ZFP82: variants seen among roughly 807,000 people sequenced by gnomAD.
The protein encoded by ZFP82 is ZFP82 zinc finger protein, also known as zinc finger protein 82 homolog.
A neutral mutation model predicts 54.0 loss-of-function variants in ZFP82; 30 were observed. That is an observed-to-expected ratio of 0.56 (90% CI 0.42 to 0.75). The LOEUF (loss-of-function observed/expected upper bound fraction) is 0.75, where lower values mean the gene tolerates loss of function less well. Among genes scored for constraint, ZFP82 ranks in the 30% least tolerant of loss-of-function variants. The pLI, the probability that ZFP82 is intolerant of heterozygous loss-of-function variation, is 0.00. For missense variants in ZFP82, 500 were observed against 636.8 expected (o/e 0.79, Z 2.31); for synonymous variants, 194 against 209.5 (o/e 0.93, Z 0.64).
At chr19:36,404,994 G>C (rs1182482330) in intron 4 of ZFP82, among the ~76,000 whole-genome samples, 1 of 152,034 alleles carries the variant, frequency 6.6e-6, no homozygotes, top group Non-Finnish European at 1.5e-5. Flanking sequence ...GACCAGCCTG[G>C]CCAACATGGT....
intron 4 of ZFP82, among the ~76,000 whole-genome samples, chr19:36,397,420 A>C (rs1209441905): frequency 6.6e-6 from 1 of 151,934 alleles, no homozygotes; most frequent in African/African-American, 2.4e-5. Context: ...AATCAACAAA[A>C]TGTAAGCCAT....
intron 1 of ZFP82, among the ~76,000 whole-genome samples, chr19:36,416,337 A>G (rs115298116): frequency 0.017 from 2,639 of 152,340 alleles, 44 homozygotes; most frequent in African/African-American, 0.058. Context: ...ATCTCATTAA[A>G]TTACATATTT....
chr19:36,404,557 G>A lies in ZFP82; in HGVS notation c.229+1023C>T, dbSNP rs185405501. Among the ~76,000 whole-genome samples the A allele has an allele frequency of 2.0e-3, 310 of 152,246 alleles. 3 individuals are homozygous for A. Among genetic ancestry groups the A allele is most frequent in the African/African-American group, 6.7e-3 (277 of 41,540 alleles). On this transcript the variant is annotated intron_variant, in intron 4 of 4. Transcript: ENST00000392161. Reference sequence around the variant, plus strand: ...TGTGTCCTACATTTACCCTTTTAATGCATAGGTCCTAGTTATAATGCATTT... The same window carrying A: ...TGTGTCCTACATTTACCCTTTTAATACATAGGTCCTAGTTATAATGCATTT...
chr19:36,406,533 A>C (rs973923012), intron 3 of ZFP82, among the ~76,000 whole-genome samples: 1 of 152,220 alleles, frequency 6.6e-6, no homozygotes, highest in Non-Finnish European at 1.5e-5. Context: ...TCCACTTAGC[A>C]TAGTGTTTTT....
intron 2 of ZFP82, 136 bp downstream of exon 2, chr19:36,409,645 G>A: frequency 1.2e-6 from 1 of 858,772 alleles, no homozygotes; most frequent in Non-Finnish European, 1.9e-6. Flanking sequence ...AAGCATTGTG[G>A]TTCACCCGCC....
chr19:36,414,009 G>T (rs1444039150), intron 1 of ZFP82, among the ~76,000 whole-genome samples: 1 of 149,664 alleles, frequency 6.7e-6, no homozygotes, highest in Non-Finnish European at 1.5e-5. Context: ...CAGGCCAATC[G>T]TCTGCCTCAG....
chr19:36,384,449 A>T (rs541455442), downstream of ZFP82: 4 of 152,330 alleles, frequency 2.6e-5, no homozygotes, highest in South Asian at 8.3e-4. Flanking sequence ...CCAAAGTAGA[A>T]TCACATCTGC....
chr19:36,410,765 T>G (rs1177061955), intron 1 of ZFP82, among the ~76,000 whole-genome samples: 1 of 151,634 alleles, frequency 6.6e-6, no homozygotes, highest in Non-Finnish European at 1.5e-5. Flanking sequence ...CATCCCAAAG[T>G]GCTGAGATTA....
At position 36,383,411 on chromosome 19, in the gene ZFP82, T is replaced by C. The variant is rs575799455; in HGVS notation, c.*921A>G. On this transcript the variant is annotated 3_prime_UTR_variant, in exon 2 of 2. Transcript: ENST00000445543. ...GACTATATTTAGCAGATATTTCTAA[T>C]AAAAAAAAAAGTTAAACAAGAACTG... 3.4e-5 allele frequency: 5 copies of C among 148,034 alleles called. No homozygotes were observed. In the East Asian group the frequency reaches 9.8e-4, roughly 29 times the overall value. The allele number at this position is 148,034 out of a possible 1,614,324, so 9.2% of individuals were successfully genotyped here. A position where few individuals can be genotyped will look rare whatever the true frequency, so the allele number is the denominator to read the frequency against.
intron 4 of ZFP82, among the ~76,000 whole-genome samples, chr19:36,403,194 G>T (rs963811855): frequency 1.3e-5 from 2 of 151,016 alleles, no homozygotes; most frequent in African/African-American, 4.9e-5. Flanking sequence ...ATGGTGGCAG[G>T]CACCTGTAAT....
Position 36,407,455 on chromosome 19 carries a change from T to C in ZFP82, c.136+432A>G, listed in dbSNP as rs539713959. ...AATGAAGGGAATGAGTTCTCTTGAA[T>C]TGTAAATACATGCTGTTGATCCATT... On this transcript the variant is annotated intron_variant, in intron 3 of 4. Transcript: ENST00000392161. Among the ~76,000 whole-genome samples, 6 of 152,334 alleles carry C rather than the reference T, an allele frequency of 3.9e-5. No individual in the cohort carries two copies. In the East Asian group the frequency reaches 1.2e-3, roughly 29 times the overall value.
intron 1 of ZFP82, among the ~76,000 whole-genome samples, chr19:36,414,786 G>T (rs902218150): frequency 1.3e-5 from 2 of 151,270 alleles, no homozygotes; most frequent in South Asian, 2.1e-4. Flanking sequence ...CATAAAACCA[G>T]CTCAAGAATT....
At chr19:36,413,832 T>C (rs976196784) in intron 1 of ZFP82, among the ~76,000 whole-genome samples, 9 of 152,182 alleles carry the variant, frequency 5.9e-5, no homozygotes, top group Admixed American at 5.9e-4. Context: ...TGGCTTACTG[T>C]AAGCACTAAA....
intron 4 of ZFP82, among the ~76,000 whole-genome samples, chr19:36,397,839 G>A (rs1035325559): frequency 1.3e-5 from 2 of 152,106 alleles, no homozygotes; most frequent in African/African-American, 4.8e-5. Context: ...ACCCGCCTCA[G>A]CCTCCCAAAG....
At position 36,392,408 on chromosome 19, in the gene ZFP82, T is replaced by C; in HGVS notation, c.*333A>G. On this transcript the variant is annotated 3_prime_UTR_variant, in exon 5 of 5. Coordinates refer to ENST00000392161, the MANE Select transcript of ZFP82 (RefSeq NM_133466.4). ...ACAGAGGGATGTAGATTCCACCTCT[T>C]GATTGAAAGTGTGTCAAACTGCTGC... The C allele has an allele frequency of 5.0e-6, 1 of 200,624 alleles. No homozygotes were observed. The highest frequency in any genetic ancestry group is 1.0e-5 in the Non-Finnish European group (1 of 98,868). 12.4% of individuals were successfully genotyped at this position (200,624 alleles called of 1,614,324 possible).
At chr19:36,384,939 A>G (rs2032099204), downstream of ZFP82, among the ~76,000 whole-genome samples, 1 of 152,192 alleles carries the variant, frequency 6.6e-6, no homozygotes, top group Non-Finnish European at 1.5e-5. Flanking sequence ...TAATCTATGA[A>G]TAGAGTGACA....
rs540537748 is a variant in ZFP82, at chr19:36,392,878, T to C, written c.1462A>G (p.Arg488Gly). The C allele has an allele frequency of 6.2e-7, 1 of 1,614,008 alleles. No individual in the cohort carries two copies. Among genetic ancestry groups the C allele is most frequent in the Non-Finnish European group, 8.5e-7 (1 of 1,179,930 alleles). Reference sequence around the variant, plus strand: ...TGTTGAATAAGGGATGAATTAAGTCTAAAGGCCTTCCTACATTCCTTACAC... The same window carrying C: ...TGTTGAATAAGGGATGAATTAAGTCCAAAGGCCTTCCTACATTCCTTACAC... ...FECKECRKAF[R>G]LNSSLIQHLR... Residue 488 changes from arginine (R) to glycine (G), a missense_variant, in exon 5 of 5, where the codon AGA becomes GGA. Coordinates refer to ENST00000392161, the MANE Select transcript of ZFP82 (RefSeq NM_133466.4).
chr19:36,407,313 T>TGATC (rs1469897528), intron 3 of ZFP82, among the ~76,000 whole-genome samples: 1 of 151,956 alleles, frequency 6.6e-6, no homozygotes, highest in Non-Finnish European at 1.5e-5. Flanking sequence ...CCTGACCTCG[T>TGATC]GATCCGCCCG....
At chr19:36,399,725 C>G (rs190970097) in intron 4 of ZFP82, among the ~76,000 whole-genome samples, 18 of 152,178 alleles carry the variant, frequency 1.2e-4, no homozygotes, top group African/African-American at 4.1e-4. Flanking sequence ...TCTATGAAAA[C>G]AAAATTGAAC....
Sources: allele counts gnomAD v4.1 joint callset (sites outside exome capture counted in the v4.1 genomes callset), GRCh38; gene constraint gnomAD v4.1.1; transcripts MANE v1.5; gene names NCBI Gene and HGNC (gene_info 2026-07-23, HGNC 2026-07-21).